PIWIL1: variants seen among roughly 807,000 people sequenced by gnomAD.
PIWIL1 encodes piwi like RNA-mediated gene silencing 1.
In PIWIL1, 73 loss-of-function variants were observed where a neutral mutation model predicts 114.4. That is an observed-to-expected ratio of 0.64 (90% CI 0.53 to 0.78). The LOEUF (loss-of-function observed/expected upper bound fraction) is 0.78. Ranked by LOEUF, PIWIL1 falls within the 30% of genes least tolerant of loss-of-function variation. The pLI, the probability that PIWIL1 is intolerant of heterozygous loss-of-function variation, is 0.00. For synonymous variants in PIWIL1, 375 were observed against 369.0 expected, an observed-to-expected ratio of 1.02 and a Z score of -0.19; for missense variants, 723 against 1,063.1, an observed-to-expected ratio of 0.68 and a Z score of 4.45.
At chr12:130,421,701 G>A in the PIWIL1 span, among the ~76,000 whole-genome samples, 1 of 151,034 alleles carries the variant, frequency 6.6e-6, no homozygotes, top group African/African-American at 2.5e-5. Flanking sequence ...ATGTGTGTGT[G>A]TGTGTGTGTG....
At chr12:130,343,189 T>G in intron 3 of PIWIL1, 88 bp downstream of exon 3, 1 of 816,882 alleles carries the variant, frequency 1.2e-6, no homozygotes, top group Non-Finnish European at 1.9e-6. Context: ...CAAAAATTTG[T>G]GCTGAAACTG....
chr12:130,396,595 C>G, the PIWIL1 span: 1 of 152,508 alleles, frequency 6.6e-6, no homozygotes, highest in East Asian at 1.9e-4. Context: ...ATTTTGACAA[C>G]GAAAGTAACA....
At chr12:130,348,301 T>A in intron 7 of PIWIL1, 118 bp downstream of exon 7, 2 of 588,504 alleles carry the variant, frequency 3.4e-6, no homozygotes, top group Non-Finnish European at 6.0e-6. Context: ...CCCATCACAT[T>A]ATGTGACTAT....
At chr12:130,405,417 C>T in the PIWIL1 span, among the ~76,000 whole-genome samples, 6 of 152,220 alleles carry the variant, frequency 3.9e-5, no homozygotes, top group Admixed American at 3.3e-4. Flanking sequence ...CTGATAAAGG[C>T]GGTGGGGGAG....
chr12:130,346,149 C>T (rs555500960), intron 4 of PIWIL1, among the ~76,000 whole-genome samples: 1 of 152,252 alleles, frequency 6.6e-6, no homozygotes, highest in African/African-American at 2.4e-5. Context: ...TTGTAAATTA[C>T]TTAGTCTAAG....
At chr12:130,338,829 G>A (rs1196916596) in intron 1 of PIWIL1, among the ~76,000 whole-genome samples, 3 of 112,296 alleles carry the variant, frequency 2.7e-5, no homozygotes, top group African/African-American at 3.4e-5. Context: ...GCTGAGGCCC[G>A]ACTTGCCGGG....
In PIWIL1 at chr12:130,364,399, T is replaced by C. The variant is rs557778228; in HGVS notation, c.2195+1255T>C. Among the ~76,000 whole-genome samples the C allele has an allele frequency of 2.6e-5, 4 of 152,354 alleles. No homozygotes were observed. In the East Asian group the frequency reaches 7.7e-4, roughly 29 times the overall value. ...CCAAGAGGTCATTCCTTATTTCTAC[T>C]AACGGGCTTCTGAGTCATCTTTGGC... On this transcript the variant is annotated intron_variant, in intron 18 of 20. Coordinates refer to ENST00000245255, the MANE Select transcript of PIWIL1 (RefSeq NM_004764.5).
chr12:130,359,912 T>G (rs1350485255), intron 14 of PIWIL1, among the ~76,000 whole-genome samples: 2 of 152,224 alleles, frequency 1.3e-5, no homozygotes, highest in Non-Finnish European at 2.9e-5. Context: ...TGAACAATAA[T>G]TAGTTCAGCG....
chr12:130,353,368 G>A (rs939859777), intron 9 of PIWIL1, among the ~76,000 whole-genome samples: 1 of 150,130 alleles, frequency 6.7e-6, no homozygotes, highest in African/African-American at 2.5e-5. Flanking sequence ...TTCTTCTGGT[G>A]TGCTCAGTGG....
chr12:130,405,214 A>AC, the PIWIL1 span, among the ~76,000 whole-genome samples: 8 of 150,092 alleles, frequency 5.3e-5, no homozygotes, highest in South Asian at 6.2e-4. Flanking sequence ...CACACACACA[A>AC]AGTTAAAAAG....
the PIWIL1 span, among the ~76,000 whole-genome samples, chr12:130,378,013 C>T: frequency 2.0e-5 from 3 of 152,224 alleles, no homozygotes; most frequent in Admixed American, 1.3e-4. Flanking sequence ...TTTAAATCAA[C>T]TGTACTGAGG....
At chr12:130,411,531 A>G in the PIWIL1 span, among the ~76,000 whole-genome samples, 1 of 146,084 alleles carries the variant, frequency 6.8e-6, no homozygotes, top group Admixed American at 7.2e-5. Context: ...TCCCTTGGCC[A>G]TCGACATTTA....
intron 14 of PIWIL1, among the ~76,000 whole-genome samples, chr12:130,358,683 C>A (rs1027351494): frequency 6.6e-6 from 1 of 152,090 alleles, no homozygotes; most frequent in African/African-American, 2.4e-5. Context: ...GGGAAAATTA[C>A]CCCCCTTTTC....
chr12:130,378,868 C>G, the PIWIL1 span, among the ~76,000 whole-genome samples: 1 of 152,196 alleles, frequency 6.6e-6, no homozygotes, highest in Non-Finnish European at 1.5e-5. Flanking sequence ...TGTAGACATG[C>G]ACTGTGAATA....
At chr12:130,407,250 C>T in the PIWIL1 span, among the ~76,000 whole-genome samples, 1 of 152,232 alleles carries the variant, frequency 6.6e-6, no homozygotes, top group African/African-American at 2.4e-5. Flanking sequence ...CCCCACCTCT[C>T]ATTTCTGAAG....
intron 7 of PIWIL1, 57 bp downstream of exon 7, chr12:130,348,240 C>T (rs370638285): frequency 2.7e-4 from 264 of 973,506 alleles, no homozygotes; most frequent in South Asian, 1.4e-4. Context: ...ACTTTTGAGA[C>T]GATAACCTAA....
chr12:130,414,941 T>C, the PIWIL1 span, among the ~76,000 whole-genome samples: 222 of 152,276 alleles, frequency 1.5e-3, no homozygotes, highest in African/African-American at 4.8e-3. Context: ...CCAATATTGA[T>C]GAAATGAATT....
the PIWIL1 span, chr12:130,414,222 A>T: frequency 6.2e-7 from 1 of 1,614,104 alleles, no homozygotes; most frequent in Non-Finnish European, 8.5e-7. Flanking sequence ...AGCCACAAAG[A>T]TCCGGGCCGG....
intron 19 of PIWIL1, 142 bp downstream of exon 19, chr12:130,367,400 G>C (rs2073690482): frequency 2.4e-6 from 2 of 819,390 alleles, no homozygotes; most frequent in African/African-American, 3.5e-5. Context: ...AACTAATTTG[G>C]TCAAACATAA....
Sources: gnomAD v4.1 joint callset for allele counts (sites outside exome capture counted in the v4.1 genomes callset) on GRCh38, gnomAD v4.1.1 for gene constraint, MANE v1.5 for transcripts, NCBI Gene and HGNC (gene_info 2026-07-23, HGNC 2026-07-21) for gene names.